Variants in SLC9B1 observed in about 807,000 individuals in gnomAD.
SLC9B1 encodes sodium/hydrogen exchanger 9B1.
In SLC9B1, 32 loss-of-function variants were observed where a neutral mutation model predicts 51.7. The ratio of observed to expected loss-of-function variants is 0.62; its 90% CI spans 0.47 to 0.83. The LOEUF (loss-of-function observed/expected upper bound fraction) is 0.83. Ranked by LOEUF, SLC9B1 falls within the 40% of genes least tolerant of loss-of-function variation. The pLI is 0.00. For missense variants in SLC9B1, 406 were observed against 613.2 expected (o/e 0.66, Z 3.57); for synonymous variants, 145 against 212.7 (o/e 0.68, Z 2.77).
At chr4:102,949,873 A>T (rs1470001642) in intron 3 of SLC9B1, among the ~76,000 whole-genome samples, 1 of 152,068 alleles carries the variant, frequency 6.6e-6, no homozygotes. Context: ...GGTCAGGAGA[A>T]TTGCTTGAAC....
At chr4:102,921,665 C>T (rs1735885434) in intron 7 of SLC9B1, among the ~76,000 whole-genome samples, 1 of 152,128 alleles carries the variant, frequency 6.6e-6, no homozygotes, top group South Asian at 2.1e-4. Flanking sequence ...TCAGGAGACC[C>T]ATCTAACGTG....
chr4:102,917,236 C>T (rs918639058), intron 7 of SLC9B1, among the ~76,000 whole-genome samples: 1 of 152,132 alleles, frequency 6.6e-6, no homozygotes, highest in African/African-American at 2.4e-5. Context: ...CTGTCAGCTT[C>T]CCTGGTTTTG....
chr4:102,926,251 A>G (rs893934160), intron 7 of SLC9B1, among the ~76,000 whole-genome samples: 5 of 152,248 alleles, frequency 3.3e-5, no homozygotes, highest in African/African-American at 1.2e-4. Context: ...GACCAGTGCA[A>G]TCAGGCAGGA....
chr4:103,001,164 G>T (rs1166431980), intron 1 of SLC9B1, among the ~76,000 whole-genome samples: 1 of 152,226 alleles, frequency 6.6e-6, no homozygotes, highest in Non-Finnish European at 1.5e-5. Context: ...GTTAGCCATG[G>T]CTGGGATGCA....
intron 3 of SLC9B1, among the ~76,000 whole-genome samples, chr4:102,964,100 A>T (rs1221964056): frequency 1.3e-5 from 2 of 152,062 alleles, no homozygotes; most frequent in Non-Finnish European, 2.9e-5. Flanking sequence ...AATTCCCAAA[A>T]TCAAGAATCA....
intron 7 of SLC9B1, among the ~76,000 whole-genome samples, chr4:102,920,941 T>G (rs570918172): frequency 6.6e-6 from 1 of 152,332 alleles, no homozygotes; most frequent in South Asian, 2.1e-4. Flanking sequence ...TTGATTGGTG[T>G]ACCTGAAAGT....
intron 6 of SLC9B1, among the ~76,000 whole-genome samples, chr4:102,936,046 A>C (rs1259419159): frequency 2.0e-5 from 3 of 152,190 alleles, no homozygotes; most frequent in Non-Finnish European, 4.4e-5. Context: ...TTGCCAGTGG[A>C]CTGGGAACAC....
chr4:102,957,083 T>C (rs999544846), intron 3 of SLC9B1, among the ~76,000 whole-genome samples: 2 of 152,074 alleles, frequency 1.3e-5, no homozygotes, highest in African/African-American at 4.8e-5. Context: ...TGAAAGAAAG[T>C]ATCAGTGAAC....
chr4:102,923,406 C>T (rs1256889021), intron 7 of SLC9B1, among the ~76,000 whole-genome samples: 4 of 152,072 alleles, frequency 2.6e-5, no homozygotes, highest in Admixed American at 6.6e-5. Context: ...ATTGATGGGA[C>T]GTATCTTAAA....
chr4:102,943,724 G>A (rs968289447), intron 6 of SLC9B1, among the ~76,000 whole-genome samples: 1 of 152,148 alleles, frequency 6.6e-6, no homozygotes, highest in African/African-American at 2.4e-5. Flanking sequence ...ATGATACAAT[G>A]GGCTTTGGGG....
At chr4:102,896,184 G>T (rs1262642206), downstream of SLC9B1, among the ~76,000 whole-genome samples, 1 of 152,024 alleles carries the variant, frequency 6.6e-6, no homozygotes, top group Non-Finnish European at 1.5e-5. Flanking sequence ...AGACATGAAA[G>T]CCTCCTCTCT....
intron 3 of SLC9B1, among the ~76,000 whole-genome samples, chr4:102,985,449 A>AT (rs1172355810): frequency 6.6e-6 from 1 of 152,016 alleles, no homozygotes; most frequent in Non-Finnish European, 1.5e-5. Flanking sequence ...TTCTGTTAGC[A>AT]TATCAATTAT....
rs78978538 is a variant in SLC9B1, at chr4:103,005,277, A to C, written c.-1-13565T>G. Among the ~76,000 whole-genome samples, 668 of 148,060 alleles carry C rather than the reference A, an allele frequency of 4.5e-3. 7 individuals carry two copies. Among genetic ancestry groups the C allele is most frequent in the African/African-American group, 0.016 (630 of 40,024 alleles). On this transcript the variant is annotated intron_variant, in intron 1 of 11. Transcript: ENST00000296422. Reference sequence around the variant, plus strand: ...CAAGCAAATTAAAAAAAAAAAAAAAACCAGAAAAAAGCAGGGGTTACTGTT... The same window carrying C: ...CAAGCAAATTAAAAAAAAAAAAAAACCCAGAAAAAAGCAGGGGTTACTGTT...
chr4:102,947,069 C>T (rs530528238), intron 4 of SLC9B1, among the ~76,000 whole-genome samples: 163 of 152,206 alleles, frequency 1.1e-3, no homozygotes, highest in African/African-American at 3.3e-3. Flanking sequence ...GGTCTCCCCC[C>T]ACTTTGGCAA....
intron 1 of SLC9B1, among the ~76,000 whole-genome samples, chr4:103,009,212 T>A (rs1466165145): frequency 6.6e-6 from 1 of 152,246 alleles, no homozygotes; most frequent in Non-Finnish European, 1.5e-5. Context: ...ATACCATGTA[T>A]GTGCATATGT....
chr4:102,985,897 C>T (rs1739592393), intron 3 of SLC9B1, among the ~76,000 whole-genome samples: 1 of 152,038 alleles, frequency 6.6e-6, no homozygotes, highest in South Asian at 2.1e-4. Flanking sequence ...TTTCTAATTC[C>T]TCCCTCCCAT....
Position 102,911,782 on chromosome 4 carries a change from A to T in SLC9B1, c.830-245T>A, listed in dbSNP as rs144204682. ...GAAATGTCCATTATGTAAATAGGCC[A>T]GAAAACAAAGACTTAACAAGCACAA... On this transcript the variant is annotated intron_variant, in intron 7 of 11. Coordinates refer to ENST00000296422, the MANE Select transcript of SLC9B1 (RefSeq NM_139173.4). Among the ~76,000 whole-genome samples the T allele has an allele frequency of 2.0e-5, 3 of 152,294 alleles. No homozygotes were observed. In the East Asian group the frequency reaches 5.8e-4, roughly 29 times the overall value.
At chr4:102,956,273 T>C (rs1737807351) in intron 3 of SLC9B1, among the ~76,000 whole-genome samples, 1 of 151,732 alleles carries the variant, frequency 6.6e-6, no homozygotes, top group African/African-American at 2.4e-5. Context: ...AATTTTGCTT[T>C]GTATCCATTC....
chr4:102,891,076 T>C (rs544946357), intron 11 of SLC9B1: 1 of 151,360 alleles, frequency 6.6e-6, no homozygotes, highest in South Asian at 2.1e-4. Flanking sequence ...AAATGATGTA[T>C]GTGTTTACAT....
Sources: allele counts gnomAD v4.1 joint callset (sites outside exome capture counted in the v4.1 genomes callset), GRCh38; gene constraint gnomAD v4.1.1; transcripts MANE v1.5; gene names NCBI Gene and HGNC (gene_info 2026-07-23, HGNC 2026-07-21).